The following CASP10 variants were observed in gnomAD, a reference collection of about 807,000 sequenced individuals.
CASP10 encodes caspase 10.
In CASP10, 41 loss-of-function variants were observed where a neutral mutation model predicts 48.5. The observed-to-expected ratio is 0.85, with a 90% confidence interval of 0.66 to 1.10. The LOEUF (loss-of-function observed/expected upper bound fraction) is 1.10, where lower values mean the gene tolerates loss of function less well. Among genes scored for constraint, CASP10 ranks in the 50% least tolerant of loss-of-function variants. The pLI, the probability that CASP10 is intolerant of heterozygous loss-of-function variation, is 0.00. For missense variants in CASP10, 614 were observed against 614.5 expected (o/e 1.00, Z 0.01); for synonymous variants, 232 against 238.4 (o/e 0.97, Z 0.25).
At chr2:201,204,224 C>T (rs889283257) in intron 6 of CASP10, among the ~76,000 whole-genome samples, 2 of 152,204 alleles carry the variant, frequency 1.3e-5, no homozygotes. Context: ...TTCCCTGAAT[C>T]CCTGCCCAGA....
rs1417907929 is a variant in CASP10 at position 201,208,064 on chromosome 2, T to C, written c.814-11T>C. 1.2e-6 allele frequency: 2 copies of C among 1,602,792 alleles called. No individual in the cohort carries two copies. Among genetic ancestry groups the C allele is most frequent in the Admixed American group, 3.3e-5 (2 of 59,988 alleles). ...AGGATTCCTACTAAGTGGCTCTATC[T>C]ATTCTTCAAGAGGGCAGCTGTGTAC... On this transcript the variant is annotated splice_polypyrimidine_tract_variant and intron_variant, in intron 7 of 9. Coordinates refer to ENST00000286186, the MANE Select transcript of CASP10 (RefSeq NM_032977.4).
In CASP10 at chr2:201,227,722, G is replaced by GT. The variant is rs367743257; in HGVS notation, c.1416-1201dup. On this transcript the variant is annotated intron_variant, in intron 9 of 9. Coordinates refer to the CASP10 transcript ENST00000272879. The stretch of plus-strand genomic sequence containing the variant: ...CAGGTGCCTGCCACCATGCCCGGCT[G>GT]TTTTTTTTTTGTATTTTTAGTAGAG... Among the ~76,000 whole-genome samples, 641 of 146,440 alleles carry GT rather than the reference G, an allele frequency of 4.4e-3. 4 individuals carry two copies. Among genetic ancestry groups the GT allele is most frequent in the Non-Finnish European group, 6.1e-3 (399 of 65,924 alleles).
intron 5 of CASP10, 37 bp downstream of exon 5, chr2:201,195,985 C>G (rs113038818): frequency 2.9e-6 from 4 of 1,402,996 alleles, no homozygotes; most frequent in East Asian, 4.6e-5. Flanking sequence ...GCTTAACAAC[C>G]GGCTCCACCC....
In CASP10 at chr2:201,209,078, A is replaced by G. The variant is rs1394321481; in HGVS notation, c.931A>G (p.Ser311Gly). Residue 311 changes from serine (S) to glycine (G), a missense_variant, in exon 9 of 10, where the codon AGT (serine) becomes GGT (glycine). Ser to Gly is a moderately conservative substitution (Grantham distance 56). Transcript: ENST00000286186. ...QGTHKDAEIL[S>G]HVFQWLGFTV... ...TTTTTGTTTTTAAACAGAGATCCTG[A>G]GTCATGTGTTCCAGTGGCTTGGGTT... The G allele has an allele frequency of 6.3e-7, 1 of 1,583,420 alleles. No individual in the cohort carries two copies.
chr2:201,211,042 GTAGT>G (rs1245612088), intron 9 of CASP10, among the ~76,000 whole-genome samples: 2 of 152,094 alleles, frequency 1.3e-5, no homozygotes, highest in Non-Finnish European at 2.9e-5. Flanking sequence ...TCAAATCAGG[GTAGT>G]TAGTGTATCC....
Position 201,217,780 on chromosome 2 carries a change from A to G in CASP10, c.*39A>G, listed in dbSNP as rs372456822. The G allele has an allele frequency of 2.5e-6, 4 of 1,613,466 alleles. No homozygotes were observed. In the African/African-American group the frequency reaches 4.0e-5, roughly 16 times the overall value. ...TTGGTTCTTAGACCTCAAACGAATC[A>G]TTGGCTATAACCTCCAGCCTCCTGC... On this transcript the variant is annotated 3_prime_UTR_variant, in exon 10 of 10. Coordinates refer to ENST00000286186, the MANE Select transcript of CASP10 (RefSeq NM_032977.4).
At chr2:201,210,967 C>T (rs1945374093) in intron 9 of CASP10, among the ~76,000 whole-genome samples, 1 of 151,992 alleles carries the variant, frequency 6.6e-6, no homozygotes, top group Non-Finnish European at 1.5e-5. Context: ...TTAATTGATA[C>T]TTCATAACTA....
chr2:201,202,766 G>A (rs1945064001), intron 5 of CASP10, among the ~76,000 whole-genome samples: 1 of 152,222 alleles, frequency 6.6e-6, no homozygotes, highest in Admixed American at 6.5e-5. Context: ...GCTTTCTGCT[G>A]AAGGCTGACG....
At chr2:201,225,453 T>A (rs1270983796), downstream of CASP10, among the ~76,000 whole-genome samples, 1 of 152,192 alleles carries the variant, frequency 6.6e-6, no homozygotes, top group African/African-American at 2.4e-5. Flanking sequence ...TTTCAGGGGT[T>A]TCGGCAATGC....
At chr2:201,197,427 C>T (rs1307524253) in intron 5 of CASP10, among the ~76,000 whole-genome samples, 1 of 152,144 alleles carries the variant, frequency 6.6e-6, no homozygotes, top group Middle Eastern at 3.2e-3. Context: ...CCAGCCTGGC[C>T]AACATAGCGA....
In CASP10 at chr2:201,185,919, C is replaced by T. The variant is rs200012872; in HGVS notation, c.142C>T (p.Pro48Ser). 6.0e-5 allele frequency: 97 copies of T among 1,614,076 alleles called. 2 individuals carry two copies. The South Asian group carries it at 7.2e-4, about 12-fold the overall frequency. The change falls in exon 2 of 10, where the codon CCC becomes TCC. Residue 48 changes from proline to serine, a missense_variant. Transcript: ENST00000286186. The stretch of plus-strand genomic sequence containing the variant: ...CAAGTTTCTCTGCATAGGATTGGTC[C>T]CCAACAAGAAGCTGGAGAAGTCCAG... The part of the protein sequence containing the change: ...NLKFLCIGLV[P>S]NKKLEKSSSA...
At chr2:201,227,860 C>T (rs1312692369) in intron 9 of CASP10, among the ~76,000 whole-genome samples, 1 of 151,996 alleles carries the variant, frequency 6.6e-6, no homozygotes, top group Non-Finnish European at 1.5e-5. Flanking sequence ...CGCCCGGCCC[C>T]CAAACCGGTT....
chr2:201,190,634 C>G (rs1480395801), intron 3 of CASP10, among the ~76,000 whole-genome samples: 1 of 152,016 alleles, frequency 6.6e-6, no homozygotes, highest in East Asian at 1.9e-4. Flanking sequence ...AAAATGAGAC[C>G]ACTTTTTATT....
chr2:201,221,092 C>G lies in CASP10; in HGVS notation c.*3351C>G, dbSNP rs901313139. 1.0e-6 allele frequency: 1 copy of G among 985,266 alleles called. No individual in the cohort carries two copies. The highest frequency in any genetic ancestry group is 1.1e-4 in the East Asian group (1 of 8,822). 61.0% of individuals were successfully genotyped at this position (985,266 alleles called of 1,614,324 possible). A position where few individuals can be genotyped will look rare whatever the true frequency, so the allele number is the denominator to read the frequency against. On this transcript the variant is annotated 3_prime_UTR_variant, in exon 10 of 10. Transcript: ENST00000286186. ...AATGCCTTTAGGTGGTAGGGTCTTCCGGTTGTAACTGCAACAGAAATAGCA... is the reference window on the plus strand; with the variant it reads ...AATGCCTTTAGGTGGTAGGGTCTTCGGGTTGTAACTGCAACAGAAATAGCA...
chr2:201,198,495 G>A (rs1944885914), intron 5 of CASP10, among the ~76,000 whole-genome samples: 1 of 148,098 alleles, frequency 6.8e-6, no homozygotes, highest in African/African-American at 2.5e-5. Context: ...AAAGTGCTGG[G>A]ATTATAGGTG....
intron 9 of CASP10, among the ~76,000 whole-genome samples, chr2:201,217,331 CGAGGTGGGTGGATCACCT>C (rs969057727): frequency 7.2e-5 from 11 of 152,024 alleles, no homozygotes; most frequent in African/African-American, 2.7e-4. Flanking sequence ...TTTGGGAGGC[CGAGGTGGGTGGATCACCT>C]GAGGTCAGGG....
chr2:201,226,567 C>T (rs569613697), downstream of CASP10, among the ~76,000 whole-genome samples: 21 of 152,270 alleles, frequency 1.4e-4, no homozygotes, highest in South Asian at 4.4e-3. Context: ...CCTGCCTCAG[C>T]CTCCCAAAGT....
At chr2:201,200,205 A>G (rs183055643) in intron 5 of CASP10, among the ~76,000 whole-genome samples, 56 of 152,166 alleles carry the variant, frequency 3.7e-4, no homozygotes, top group Non-Finnish European at 7.4e-5. Context: ...TATAGTTACT[A>G]TTTTTTCCCC....
At chr2:201,183,695 G>A (rs1211563777) in intron 1 of CASP10, among the ~76,000 whole-genome samples, 1 of 152,006 alleles carries the variant, frequency 6.6e-6, no homozygotes, top group Non-Finnish European at 1.5e-5. Context: ...ACATTTTTTT[G>A]TTTCTTTTAA....
Sources: gnomAD v4.1 joint callset for allele counts (sites outside exome capture counted in the v4.1 genomes callset) on GRCh38, gnomAD v4.1.1 for gene constraint, MANE v1.5 for transcripts, NCBI Gene and HGNC (gene_info 2026-07-23, HGNC 2026-07-21) for gene names.